Variants in SLC39A11 observed in about 807,000 individuals in gnomAD.
SLC39A11 encodes zinc transporter ZIP11.
Under a neutral mutation model 36.1 loss-of-function variants are expected in SLC39A11, and 33 were observed. That is an observed-to-expected ratio of 0.91 (90% CI 0.69 to 1.22). The LOEUF is 1.22. Ranked by LOEUF, SLC39A11 falls within the 50% of genes most tolerant of loss-of-function variation. The probability of loss-of-function intolerance (pLI) is 0.00; values close to 1 mark genes in which losing one functional copy is unlikely to be tolerated. For missense variants in SLC39A11, 432 were observed against 430.3 expected, an observed-to-expected ratio of 1.00 and a Z score of -0.03; for synonymous variants, 166 against 170.3, an observed-to-expected ratio of 0.97 and a Z score of 0.20.
At chr17:72,981,625 GA>G (rs11346947) in intron 4 of SLC39A11, among the ~76,000 whole-genome samples, 114,787 of 139,646 alleles carry the variant, frequency 0.82, 47,995 homozygotes, top group South Asian at 0.91. Context: ...CCAAGTTGTA[GA>G]AAAAAAATAG....
chr17:72,776,160 G>A (rs1483800837), intron 6 of SLC39A11, among the ~76,000 whole-genome samples: 2 of 152,198 alleles, frequency 1.3e-5, no homozygotes, highest in African/African-American at 4.8e-5. Flanking sequence ...CGCCACCCCA[G>A]AAGTCTGCTC....
In SLC39A11 at chr17:72,662,482, A is replaced by G. The variant is rs71381076; in HGVS notation, c.672-13214T>C. Among the ~76,000 whole-genome samples the G allele has an allele frequency of 6.9e-3, 1,032 of 149,566 alleles. 9 individuals are homozygous for G. Among genetic ancestry groups the G allele is most frequent in the Non-Finnish European group, 0.011 (752 of 67,234 alleles). ...AAAAGGAAGGAAAGGAAGGAAAAGA[A>G]AAGAAAGAAAAGGAAGGAAGGAGGG... On this transcript the variant is annotated intron_variant, in intron 7 of 9. Transcript: ENST00000255559.
At chr17:72,730,856 TC>T (rs1349905684) in intron 7 of SLC39A11, among the ~76,000 whole-genome samples, 2 of 152,112 alleles carry the variant, frequency 1.3e-5, no homozygotes, top group African/African-American at 4.8e-5. Flanking sequence ...AGATGGGGTC[TC>T]CCATCTTTAT....
intron 6 of SLC39A11, among the ~76,000 whole-genome samples, chr17:72,738,978 C>T (rs1334533422): frequency 1.3e-5 from 2 of 152,150 alleles, no homozygotes; most frequent in Non-Finnish European, 2.9e-5. Flanking sequence ...TCCAGCTCAA[C>T]AAGAGTCCGC....
At chr17:72,876,572 C>T (rs145226001) in intron 5 of SLC39A11, among the ~76,000 whole-genome samples, 65 of 152,268 alleles carry the variant, frequency 4.3e-4, no homozygotes, top group African/African-American at 1.5e-3. Flanking sequence ...AACCAACCAC[C>T]TAGTGCCTAG....
At chr17:72,850,207 G>A (rs1002209954) in intron 5 of SLC39A11, among the ~76,000 whole-genome samples, 7 of 152,156 alleles carry the variant, frequency 4.6e-5, no homozygotes, top group East Asian at 1.9e-4. Flanking sequence ...CCAACACTTC[G>A]GGAGGCTGAG....
At chr17:72,817,862 T>G (rs1000803188) in intron 6 of SLC39A11, 3 of 152,244 alleles carry the variant, frequency 2.0e-5, no homozygotes, top group Admixed American at 6.5e-5. Context: ...GAGGTTTAAT[T>G]GACTCACAGT....
chr17:73,084,752 C>T, intron 3 of SLC39A11, 56 bp downstream of exon 3: 1 of 1,589,656 alleles, frequency 6.3e-7, no homozygotes, highest in Non-Finnish European at 8.6e-7. Flanking sequence ...CCTTGGCAGA[C>T]ACATGTCAGA....
At chr17:72,880,517 G>A (rs1160259802) in intron 5 of SLC39A11, among the ~76,000 whole-genome samples, 1 of 152,022 alleles carries the variant, frequency 6.6e-6, no homozygotes, top group African/African-American at 2.4e-5. Context: ...AGGTTGCAAT[G>A]AGCTGAGATC....
intron 5 of SLC39A11, among the ~76,000 whole-genome samples, chr17:72,878,979 G>A (rs2081056198): frequency 6.6e-6 from 1 of 152,236 alleles, no homozygotes; most frequent in Non-Finnish European, 1.5e-5. Context: ...ATGGCTCACA[G>A]AACCCAAGGA....
chr17:72,858,842 T>C (rs1044554466), intron 5 of SLC39A11, among the ~76,000 whole-genome samples: 8 of 152,258 alleles, frequency 5.3e-5, no homozygotes, highest in Admixed American at 5.2e-4. Context: ...TACTGACACT[T>C]TGTGTATTCT....
In SLC39A11 at chr17:73,016,536, G is replaced by A. The variant is rs148762628; in HGVS notation, c.306+15020C>T. On this transcript the variant is annotated intron_variant, in intron 4 of 9. Coordinates refer to ENST00000255559, the MANE Select transcript of SLC39A11 (RefSeq NM_139177.4). ...TTTAGTACAGACAGGGTTTCATCAT[G>A]TTAGCCAGACTGGTCTCGAACTCCT... Among the ~76,000 whole-genome samples, 753 of 151,988 alleles carry A rather than the reference G, an allele frequency of 5.0e-3. 4 individuals are homozygous for A. Among genetic ancestry groups the A allele is most frequent in the African/African-American group, 0.017 (713 of 41,428 alleles).
intron 5 of SLC39A11, among the ~76,000 whole-genome samples, chr17:72,924,108 T>C (rs1317893293): frequency 1.4e-5 from 2 of 144,620 alleles, no homozygotes; most frequent in African/African-American, 5.2e-5. Context: ...ATGGCACCAC[T>C]GCACTCCAGC....
intron 4 of SLC39A11, among the ~76,000 whole-genome samples, chr17:72,977,654 G>A (rs540855592): frequency 6.6e-6 from 1 of 152,082 alleles, no homozygotes; most frequent in Admixed American, 6.5e-5. Flanking sequence ...AGAGGGACTA[G>A]GGACATGTGG....
At chr17:72,853,572 A>G (rs1453882924) in intron 5 of SLC39A11, among the ~76,000 whole-genome samples, 1 of 152,044 alleles carries the variant, frequency 6.6e-6, no homozygotes, top group Non-Finnish European at 1.5e-5. Flanking sequence ...AGGAGCATAA[A>G]GAATTCTTCA....
intron 5 of SLC39A11, among the ~76,000 whole-genome samples, chr17:72,863,794 G>A (rs959971036): frequency 6.6e-6 from 1 of 152,238 alleles, no homozygotes; most frequent in East Asian, 1.9e-4. Context: ...GGGAAAGAAG[G>A]TGCTTTACTT....
chr17:72,732,715 G>C (rs2074281115), intron 7 of SLC39A11, among the ~76,000 whole-genome samples: 1 of 152,172 alleles, frequency 6.6e-6, no homozygotes, highest in South Asian at 2.1e-4. Flanking sequence ...CTTGCCCCCA[G>C]GCATCTGGTG....
intron 5 of SLC39A11, among the ~76,000 whole-genome samples, chr17:72,850,814 T>C (rs766380552): frequency 1.1e-4 from 16 of 152,166 alleles, no homozygotes; most frequent in Non-Finnish European, 1.9e-4. Flanking sequence ...TTGATGGTTA[T>C]TGTTAGTATC....
intron 4 of SLC39A11, among the ~76,000 whole-genome samples, chr17:73,015,645 G>A (rs988062760): frequency 2.0e-5 from 3 of 152,090 alleles, no homozygotes; most frequent in South Asian, 2.1e-4. Flanking sequence ...GTGCAGTGGC[G>A]CGATCTTGGC....
Sources: gnomAD v4.1 joint callset for allele counts (sites outside exome capture counted in the v4.1 genomes callset) on GRCh38, gnomAD v4.1.1 for gene constraint, MANE v1.5 for transcripts, NCBI Gene and HGNC (gene_info 2026-07-23, HGNC 2026-07-21) for gene names.